Variants in ZNF75D observed in about 807,000 individuals in gnomAD.
The protein encoded by ZNF75D is zinc finger protein 75D.
ZNF75D carries 33 observed loss-of-function variants against 33.3 expected under a neutral mutation model. The observed-to-expected ratio is 0.99, with a 90% CI of 0.75 to 1.32. ZNF75D has a LOEUF of 1.32. Ranked by LOEUF, ZNF75D falls within the 40% of genes most tolerant of loss-of-function variation. The pLI is 0.00. For missense variants in ZNF75D, 338 were observed against 367.5 expected (o/e 0.92, Z 0.66); for synonymous variants, 113 against 130.6 (o/e 0.87, Z 0.92).
At chrX:135,288,219 A>C (rs2083985378) in intron 6 of ZNF75D, among the ~76,000 whole-genome samples, 1 of 112,491 alleles carries the variant, frequency 8.9e-6, no homozygotes, top group East Asian at 2.8e-4. Flanking sequence ...TGTAAAAAGA[A>C]GTGCAAATAA....
Position 135,273,175 on chromosome X carries a change from CCT to C in ZNF75D, n.828-17400_828-17399del, listed in dbSNP as rs1404038164. ...TCTGCTCCATACAGGGGAATATCTC[CCT>C]CTCTCTCTCTTTTCCTTTCCAACTC... On this transcript the variant is annotated intron_variant and non_coding_transcript_variant, in intron 1 of 3. Transcript: ENST00000494295. Among the ~76,000 whole-genome samples, 7 of 110,523 alleles carry C rather than the reference CCT, an allele frequency of 6.3e-5. No individual in the cohort carries two copies. The Admixed American group carries it at 6.7e-4, about 11-fold the overall frequency.
At chrX:135,283,897 T>C (rs2083930279), downstream of ZNF75D, among the ~76,000 whole-genome samples, 1 of 111,652 alleles carries the variant, frequency 9.0e-6, no homozygotes, top group Non-Finnish European at 1.9e-5. Context: ...TGCTCTTGTG[T>C]CTCATCCACA....
In ZNF75D at chrX:135,270,247, T is replaced by C. The variant is rs1269949956; in HGVS notation, n.828-14470A>G. ...GTACATTTTAAAATAACTAAAATAG[T>C]ATAACTGGATTGTTTATAACACAAA... On this transcript the variant is annotated intron_variant and non_coding_transcript_variant, in intron 1 of 3. Coordinates refer to the ZNF75D transcript ENST00000494295. Among the ~76,000 whole-genome samples, 4 of 106,190 alleles carry C rather than the reference T, an allele frequency of 3.8e-5. No homozygotes were observed. In the Admixed American group the frequency reaches 4.1e-4, roughly 11 times the overall value. 92.2% of individuals were successfully genotyped at this position (106,190 alleles called of 115,157 possible). A position where few individuals can be genotyped will look rare whatever the true frequency, so the allele number is the denominator to read the frequency against.
At chrX:135,277,446 A>G (rs925702139) in intron 1 of ZNF75D, among the ~76,000 whole-genome samples, 14 of 111,931 alleles carry the variant, frequency 1.3e-4, no homozygotes, top group Non-Finnish European at 1.9e-5. Context: ...ATGCCGGTTC[A>G]CTCTGATGAT....
Position 135,286,095 on chromosome X carries a change from TTC to T in ZNF75D, c.*1040_*1041del, listed in dbSNP as rs1556419317. Reference sequence around the variant, plus strand: ...TCACTGTGAGCCATATGCCTTACTTTTCTCTGACACTTCAGGATGTTCCCTCC... The same window carrying T: ...TCACTGTGAGCCATATGCCTTACTTTTCTGACACTTCAGGATGTTCCCTCC... On this transcript the variant is annotated 3_prime_UTR_variant, in exon 7 of 7. Coordinates refer to ENST00000370766, the MANE Select transcript of ZNF75D (RefSeq NM_007131.5). 1.8e-5 allele frequency: 2 copies of T among 112,313 alleles called. No homozygotes were observed. Among genetic ancestry groups the T allele is most frequent in the East Asian group, 5.6e-4 (2 of 3,596 alleles). 9.3% of individuals were successfully genotyped at this position (112,313 alleles called of 1,213,427 possible).
Position 135,266,486 on chromosome X carries a change from T to C in ZNF75D, n.828-10709A>G, listed in dbSNP as rs782468720. ...AAGAACAAGAGTAGCCACACTTGTA[T>C]TGGACAAAAGAGGTTTCAGGGAAAA... is the stretch of plus-strand genomic sequence containing the variant. On this transcript the variant is annotated intron_variant and non_coding_transcript_variant, in intron 1 of 3. Coordinates refer to the ZNF75D transcript ENST00000494295. 1.0e-3 allele frequency among the ~76,000 whole-genome samples: 112 copies of C among 111,596 alleles called. No homozygotes were observed. The Middle Eastern group carries it at 0.014, about 14-fold the overall frequency.
intron 1 of ZNF75D, among the ~76,000 whole-genome samples, chrX:135,325,534 G>A (rs1194845812): frequency 1.8e-5 from 2 of 112,071 alleles, no homozygotes; most frequent in Non-Finnish European, 3.8e-5. Context: ...GGCTTGGCGG[G>A]CCCCGCACTC....
intron 1 of ZNF75D, among the ~76,000 whole-genome samples, chrX:135,333,802 A>C (rs1173672242): frequency 9.0e-6 from 1 of 111,709 alleles, no homozygotes; most frequent in Non-Finnish European, 1.9e-5. Context: ...CCCCAAAAAA[A>C]ATCAGTCTAA....
At chrX:135,275,362 G>A (rs968686246) in intron 1 of ZNF75D, among the ~76,000 whole-genome samples, 1 of 111,973 alleles carries the variant, frequency 8.9e-6, no homozygotes, top group African/African-American at 3.2e-5. Flanking sequence ...GTATAGTGCT[G>A]GCACTGGAGT....
At chrX:135,310,385 A>C (rs1267184324) in intron 1 of ZNF75D, among the ~76,000 whole-genome samples, 1 of 112,027 alleles carries the variant, frequency 8.9e-6, no homozygotes, top group Non-Finnish European at 1.9e-5. Context: ...ACTCCAAGAA[A>C]CCTGAAATGG....
At position 135,258,927 on chromosome X, in the gene ZNF75D, G is replaced by C. The variant is rs782686605; in HGVS notation, n.828-3150C>G. Among the ~76,000 whole-genome samples the C allele has an allele frequency of 5.4e-5, 6 of 112,101 alleles. No individual in the cohort carries two copies. In the South Asian group the frequency reaches 1.5e-3, roughly 28 times the overall value. On this transcript the variant is annotated intron_variant and non_coding_transcript_variant, in intron 1 of 3. Transcript: ENST00000494295. The stretch of plus-strand genomic sequence containing the variant: ...TCCTTCAAGGGTTTTTACGGTTTTA[G>C]GTCTAATATTTAAGTCTTTAACCCA...
intron 1 of ZNF75D, among the ~76,000 whole-genome samples, chrX:135,337,765 TAAG>T (rs782242743): frequency 2.1e-4 from 23 of 111,188 alleles, no homozygotes; most frequent in Non-Finnish European, 4.3e-4. Context: ...GGAAAACTGC[TAAG>T]AAGAAGTGGC....
At chrX:135,318,087 A>ATAT (rs1472861750) in intron 1 of ZNF75D, among the ~76,000 whole-genome samples, 7 of 95,067 alleles carry the variant, frequency 7.4e-5, no homozygotes, top group African/African-American at 1.2e-4. Context: ...ATATATATAT[A>ATAT]TTTTTTTTTT....
intron 1 of ZNF75D, among the ~76,000 whole-genome samples, chrX:135,275,804 G>A (rs1306733852): frequency 1.8e-5 from 2 of 111,076 alleles, no homozygotes; most frequent in Non-Finnish European, 3.8e-5. Flanking sequence ...GGGACCACAG[G>A]AATTGATAGA....
Position 135,291,563 on chromosome X carries a change from G to A in ZNF75D, c.605C>T (p.Ala202Val). Reference protein sequence around the residue: ...HKETQPVYERAVHDQQMLALS... With the variant: ...HKETQPVYERVVHDQQMLALS... The stretch of plus-strand genomic sequence containing the variant: ...GGCTAACATCTGTTGATCATGCACA[G>A]CTGTGGGTAGAAAATAGCCAGGGAA... The change falls in exon 5 of 7, where the codon GCT (alanine) becomes GTT (valine). Residue 202 changes from alanine (A) to valine (V), a missense_variant and splice_region_variant. Transcript: ENST00000370766. 8.3e-7 allele frequency: 1 copy of A among 1,206,348 alleles called. No homozygotes were observed. Among genetic ancestry groups the A allele is most frequent in the African/African-American group, 1.7e-5 (1 of 57,674 alleles).
chrX:135,278,073 C>G lies in ZNF75D; in HGVS notation n.828-22296G>C, dbSNP rs782656464. 2.0e-4 allele frequency among the ~76,000 whole-genome samples: 22 copies of G among 111,384 alleles called. 1 individual carries two copies. In the East Asian group the frequency reaches 6.0e-3, roughly 30 times the overall value. On this transcript the variant is annotated intron_variant and non_coding_transcript_variant, in intron 1 of 3. Coordinates refer to the ZNF75D transcript ENST00000494295. The stretch of plus-strand genomic sequence containing the variant: ...AGGATAGCACTGAATCTATAAATTA[C>G]TTTGGGCAGTATGGCCATTTTCACA...
At chrX:135,332,559 G>T (rs11796621) in intron 1 of ZNF75D, among the ~76,000 whole-genome samples, 28,187 of 111,115 alleles carry the variant, frequency 0.25, 2,833 homozygotes, top group South Asian at 0.43. Flanking sequence ...ATCTTGGACT[G>T]CCCAGCCTCC....
At chrX:135,325,544 C>T (rs1195629005) in intron 1 of ZNF75D, among the ~76,000 whole-genome samples, 18 of 112,141 alleles carry the variant, frequency 1.6e-4, no homozygotes, top group South Asian at 7.4e-4. Flanking sequence ...GCCCCGCACT[C>T]GGAGCAGCCG....
rs1261027495 is a variant in ZNF75D at position 135,343,213 on chromosome X, C to A, written c.-1836G>T. 8.9e-6 allele frequency: 1 copy of A among 112,826 alleles called. No homozygotes were observed. The highest frequency in any genetic ancestry group is 1.9e-5 in the Non-Finnish European group (1 of 53,361). The allele number at this position is 112,826 out of a possible 1,213,427, so 9.3% of individuals were successfully genotyped here. A position where few individuals can be genotyped will look rare whatever the true frequency, so the allele number is the denominator to read the frequency against. On this transcript the variant is annotated 5_prime_UTR_variant, in exon 1 of 7. Coordinates refer to ENST00000370766, the MANE Select transcript of ZNF75D (RefSeq NM_007131.5). ...CAGAACCCTATGAATAAAGGGGAGG[C>A]TGGGCCTCCTTGAGGAAGATGGCAG...
Sources: gnomAD v4.1 joint callset for allele counts (sites outside exome capture counted in the v4.1 genomes callset) on GRCh38, gnomAD v4.1.1 for gene constraint, MANE v1.5 for transcripts, NCBI Gene and HGNC (gene_info 2026-07-23, HGNC 2026-07-21) for gene names.